The following SLC41A3 variants were observed in gnomAD, a reference collection of about 807,000 sequenced individuals.
SLC41A3 encodes solute carrier family 41 member 3.
SLC41A3 carries 44 observed loss-of-function variants against 45.4 expected under a neutral mutation model. The ratio of observed to expected loss-of-function variants is 0.97; its 90% CI spans 0.76 to 1.25. The LOEUF (loss-of-function observed/expected upper bound fraction) is 1.25. Among genes scored for constraint, SLC41A3 ranks in the 50% most tolerant of loss-of-function variants. SLC41A3 has a pLI of 0.00. For missense variants in SLC41A3, 550 were observed against 600.6 expected (o/e 0.92, Z 0.88); for synonymous variants, 256 against 252.4 (o/e 1.01, Z -0.13).
At chr3:126,095,817 T>C (rs1945588893) in intron 1 of SLC41A3, among the ~76,000 whole-genome samples, 1 of 152,200 alleles carries the variant, frequency 6.6e-6, no homozygotes, top group South Asian at 2.1e-4. Flanking sequence ...GAATTGCACC[T>C]CTGAGTCTGC....
At chr3:126,058,894 A>T (rs1463099143) in intron 2 of SLC41A3, among the ~76,000 whole-genome samples, 1 of 152,172 alleles carries the variant, frequency 6.6e-6, no homozygotes, top group Non-Finnish European at 1.5e-5. Context: ...CACCCAGGCC[A>T]AACGTCTGCC....
intron 2 of SLC41A3, among the ~76,000 whole-genome samples, chr3:126,063,956 C>CCCCCCCT (rs1002674529): frequency 1.4e-5 from 2 of 142,102 alleles, no homozygotes; most frequent in African/African-American, 2.5e-5. Context: ...CCAACCCCCC[C>CCCCCCCT]CCGGGGACAC....
intron 3 of SLC41A3, 68 bp downstream of exon 3, chr3:126,050,875 G>A: frequency 1.3e-6 from 2 of 1,535,984 alleles, no homozygotes; most frequent in Non-Finnish European, 1.8e-6. Context: ...CAAGCCAGGG[G>A]AGACCAGGTG....
At chr3:126,032,001 G>GA (rs1267002063) in intron 4 of SLC41A3, among the ~76,000 whole-genome samples, 1 of 152,252 alleles carries the variant, frequency 6.6e-6, no homozygotes, top group Non-Finnish European at 1.5e-5. Context: ...GTAAAAGGCA[G>GA]AAAGAGATAC....
intron 1 of SLC41A3, among the ~76,000 whole-genome samples, chr3:126,090,569 G>T (rs1182293497): frequency 6.6e-6 from 1 of 152,066 alleles, no homozygotes; most frequent in African/African-American, 2.4e-5. Context: ...TAATTGAATA[G>T]GCTCCTTTTT....
chr3:126,072,423 G>A (rs1384030271), intron 1 of SLC41A3, among the ~76,000 whole-genome samples: 1 of 147,218 alleles, frequency 6.8e-6, no homozygotes, highest in Non-Finnish European at 1.5e-5. Flanking sequence ...TGAAGAGATC[G>A]ACAAAACTGA....
At chr3:126,037,104 C>G (rs1370955983) in intron 3 of SLC41A3, among the ~76,000 whole-genome samples, 5 of 152,182 alleles carry the variant, frequency 3.3e-5, no homozygotes, top group Admixed American at 6.5e-5. Context: ...TCATGAATGG[C>G]TTGGTGCCCT....
chr3:126,026,389 C>T lies in SLC41A3; in HGVS notation c.544G>A (p.Glu182Lys). Residue 182 changes from glutamate (E) to lysine (K), a missense_variant, in exon 5 of 11, where the codon GAG becomes AAG. Glu to Lys is a moderately conservative substitution (Grantham distance 56). Transcript: ENST00000360370. This position sits in a 1 kb window ranked among gnomAD's most constrained non-coding sequence, Gnocchi z 4.2. ...SREEVDVAKV[E>K]LLCASSVLTA... The stretch of plus-strand genomic sequence containing the variant: ...AGGACACTGCTGGCACACAGCAACT[C>T]CACCTTGGCGACATCCACTTCCTCT... 6.3e-7 allele frequency: 1 copy of T among 1,584,146 alleles called. No homozygotes were observed. Among genetic ancestry groups the T allele is most frequent in the Non-Finnish European group, 8.6e-7 (1 of 1,164,236 alleles).
chr3:126,035,890 T>C (rs565833286), intron 3 of SLC41A3, among the ~76,000 whole-genome samples: 14 of 152,132 alleles, frequency 9.2e-5, no homozygotes, highest in Admixed American at 2.0e-4. Context: ...TTTTCTGCCC[T>C]GGAATGGAGG....
At chr3:126,056,388 C>T (rs775657340) in intron 2 of SLC41A3, 1 of 1,614,168 alleles carries the variant, frequency 6.2e-7, no homozygotes, top group Admixed American at 1.7e-5. Flanking sequence ...GGCCGGCTGT[C>T]ATCATGCACA....
intron 8 of SLC41A3, 22 bp downstream of exon 8, chr3:126,015,472 T>C (rs1469643833): frequency 6.2e-7 from 1 of 1,613,728 alleles, no homozygotes. Context: ...AGGGACCACA[T>C]GGGAACCCTT....
intron 6 of SLC41A3, among the ~76,000 whole-genome samples, chr3:126,021,908 T>C (rs968349239): frequency 6.6e-6 from 1 of 152,206 alleles, no homozygotes; most frequent in Non-Finnish European, 1.5e-5. Context: ...ACATAAGCTA[T>C]GGATTGGCTA....
chr3:126,100,421 G>A (rs1005122507), intron 1 of SLC41A3, among the ~76,000 whole-genome samples: 1 of 152,188 alleles, frequency 6.6e-6, no homozygotes, highest in Non-Finnish European at 1.5e-5. Context: ...CCAGTTGGAT[G>A]AAGTCAGATC....
At chr3:126,009,362 G>A (rs970126285) in intron 9 of SLC41A3, among the ~76,000 whole-genome samples, 4 of 152,124 alleles carry the variant, frequency 2.6e-5, no homozygotes, top group Admixed American at 6.6e-5. Flanking sequence ...GAGGGCAGTC[G>A]GCTCAAAAGG....
intron 3 of SLC41A3, among the ~76,000 whole-genome samples, chr3:126,037,544 A>C (rs1942290449): frequency 6.6e-6 from 1 of 152,164 alleles, no homozygotes; most frequent in African/African-American, 2.4e-5. Flanking sequence ...GATTTGTGGA[A>C]GGTTGAACTT....
rs189981871 is a variant in SLC41A3, at chr3:126,048,390, T to G, written c.381+2553A>C. Among the ~76,000 whole-genome samples the G allele has an allele frequency of 2.0e-5, 3 of 152,336 alleles. No homozygotes were observed. The East Asian group carries it at 5.8e-4, about 29-fold the overall frequency. Reference sequence around the variant, plus strand: ...ATACCTTATAAACGACTATTTCCAGTGTGTACGGGAGTATATAGAGACATG... The same window carrying G: ...ATACCTTATAAACGACTATTTCCAGGGTGTACGGGAGTATATAGAGACATG... On this transcript the variant is annotated intron_variant, in intron 3 of 10. Transcript: ENST00000360370.
intron 3 of SLC41A3, among the ~76,000 whole-genome samples, chr3:126,037,946 T>C (rs1013203316): frequency 6.6e-6 from 1 of 152,204 alleles, no homozygotes; most frequent in Non-Finnish European, 1.5e-5. Flanking sequence ...CCTGGGACAC[T>C]GCTCCCAACA....
intron 2 of SLC41A3, chr3:126,056,385 T>G: frequency 1.9e-6 from 3 of 1,614,150 alleles, no homozygotes; most frequent in Admixed American, 1.7e-5. Flanking sequence ...CCAGGCCGGC[T>G]GTCATCATGC....
chr3:126,085,263 C>T (rs1453875936), upstream of SLC41A3: 4 of 152,254 alleles, frequency 2.6e-5, no homozygotes, highest in African/African-American at 7.2e-5. Context: ...ACCCCGACCT[C>T]CTTGGGCACA....
Sources: gnomAD v4.1 joint callset for allele counts (sites outside exome capture counted in the v4.1 genomes callset) on GRCh38, gnomAD v4.1.1 for gene constraint, Gnocchi (gnomAD v3.1) non-coding constraint, MANE v1.5 for transcripts, NCBI Gene and HGNC (gene_info 2026-07-23, HGNC 2026-07-21) for gene names.